The following ZNF483 variants were observed in gnomAD, a reference collection of about 807,000 sequenced individuals.
The protein encoded by ZNF483 is zinc finger protein HIT-10.
ZNF483 carries 9 observed loss-of-function variants against 28.6 expected under a neutral mutation model. The observed-to-expected ratio is 0.32, with a 90% CI of 0.19 to 0.55. The LOEUF is 0.55. Among genes scored for constraint, ZNF483 ranks in the 20% least tolerant of loss-of-function variants. The pLI is 0.93. For synonymous variants in ZNF483, 322 were observed against 306.2 expected (o/e 1.05, Z -0.54); for missense variants, 675 against 871.7 (o/e 0.77, Z 2.84).
chr9:111,549,932 C>A lies in ZNF483; in HGVS notation c.*6762C>A. 1.7e-6 allele frequency: 1 copy of A among 600,692 alleles called. No individual in the cohort carries two copies. The highest frequency in any genetic ancestry group is 2.9e-6 in the Non-Finnish European group (1 of 345,128). 37.2% of individuals were successfully genotyped at this position (600,692 alleles called of 1,614,324 possible). On this transcript the variant is annotated 3_prime_UTR_variant, in exon 6 of 6. Coordinates refer to ENST00000309235, the MANE Select transcript of ZNF483 (RefSeq NM_133464.5). ...GGTTTATTTTGTGCCTTTGAATGGT[C>A]AATACTTGTTTCTTTGTATGCATCG...
At position 111,571,125 on chromosome 9, in the gene ZNF483, T is replaced by C. The variant is rs534318844; in HGVS notation, c.722-5240T>C. Among the ~76,000 whole-genome samples the C allele has an allele frequency of 2.7e-4, 41 of 149,924 alleles. 2 individuals carry two copies. Among genetic ancestry groups the C allele is most frequent in the African/African-American group, 7.2e-4 (30 of 41,430 alleles). ...TAACCTCTAGACCTACAAGAATAAG[T>C]GTGTGGGGTCGGGTGCGTGGCTCAT... On this transcript the variant is annotated intron_variant, in intron 5 of 5. Coordinates refer to the ZNF483 transcript ENST00000358151.
intron 5 of ZNF483, chr9:111,563,324 A>G (rs1763144548): frequency 8.0e-7 from 1 of 1,253,540 alleles, no homozygotes; most frequent in South Asian, 1.6e-5. Flanking sequence ...CAGGTACATC[A>G]TTGGAAACCT....
At chr9:111,529,603 T>C (rs1205774001) in intron 2 of ZNF483, among the ~76,000 whole-genome samples, 1 of 152,264 alleles carries the variant, frequency 6.6e-6, no homozygotes, top group Non-Finnish European at 1.5e-5. Context: ...CAGTTTTACC[T>C]TACTACATCT....
intron 5 of ZNF483, chr9:111,576,263 C>A: frequency 8.4e-7 from 1 of 1,192,666 alleles, no homozygotes; most frequent in Non-Finnish European, 1.2e-6. Flanking sequence ...AGTTGGTCCT[C>A]ATTATTAGTG....
chr9:111,568,209 G>A (rs1032825612), intron 5 of ZNF483, among the ~76,000 whole-genome samples: 2 of 152,132 alleles, frequency 1.3e-5, no homozygotes, highest in Non-Finnish European at 2.9e-5. Context: ...TGTGCAAGTA[G>A]GGAAGATATT....
chr9:111,539,494 T>C (rs1349046844), intron 5 of ZNF483: 1 of 454,666 alleles, frequency 2.2e-6, no homozygotes, highest in Admixed American at 2.4e-5. Flanking sequence ...CTGGGTGTGG[T>C]GGCTCATGCC....
intron 5 of ZNF483, among the ~76,000 whole-genome samples, chr9:111,538,417 G>T (rs545303635): frequency 5.7e-4 from 87 of 151,862 alleles, no homozygotes; most frequent in Non-Finnish European, 8.8e-4. Flanking sequence ...TTGAGCCCAG[G>T]GGTTAGAGGT....
In ZNF483 at chr9:111,564,279, T is replaced by C. The variant is rs1828450958; in HGVS notation, c.722-12086T>C. The C allele has an allele frequency of 2.0e-5, 4 of 200,456 alleles. No homozygotes were observed. In the South Asian group the frequency reaches 6.4e-4, roughly 32 times the overall value. The allele number at this position is 200,456 out of a possible 1,614,324, so 12.4% of individuals were successfully genotyped here. Reference sequence around the variant, plus strand: ...GTAGGGAAGCTGAAATTTAAACTTTTATTATTATTATTATTATTATTATTA... The same window carrying C: ...GTAGGGAAGCTGAAATTTAAACTTTCATTATTATTATTATTATTATTATTA... On this transcript the variant is annotated intron_variant, in intron 5 of 5. Transcript: ENST00000358151.
At chr9:111,564,482 T>C (rs988083281) in intron 5 of ZNF483, among the ~76,000 whole-genome samples, 1 of 151,614 alleles carries the variant, frequency 6.6e-6, no homozygotes, top group Non-Finnish European at 1.5e-5. Flanking sequence ...ATTTTTTTAG[T>C]TTTTGTAGAG....
At chr9:111,576,517 TG>T in exon 6 of ZNF483, 1 of 1,508,388 alleles carries the variant, frequency 6.6e-7, no homozygotes, top group Non-Finnish European at 9.1e-7. Flanking sequence ...AAGAGCTGGA[TG>T]GAGTATGAAT....
chr9:111,576,606 A>AT (rs1193710127), exon 6 of ZNF483: 1 of 585,148 alleles, frequency 1.7e-6, no homozygotes, highest in African/African-American at 1.9e-5. Context: ...TTTGTCTTTC[A>AT]TAAAATAAAA....
chr9:111,542,399 T>C lies in ZNF483; in HGVS notation c.1464T>C (p.Thr488=), dbSNP rs1398388310. Residue 488 remains threonine (T), a synonymous_variant, in exon 6 of 6, where the codon ACT becomes ACC. Transcript: ENST00000309235. The surrounding 1 kb of genome is among the most constrained non-coding windows in gnomAD (Gnocchi z 6.2). Reference sequence around the variant, plus strand: ...CATCGCTCACACCACATCATAGAACTCATAGTGGAGAGAAACCCTTCAAAT... The same window carrying C: ...CATCGCTCACACCACATCATAGAACCCATAGTGGAGAGAAACCCTTCAAAT... ...DSSSLTPHHR[T]HSGEKPFKCD... 1.2e-6 allele frequency: 2 copies of C among 1,613,970 alleles called. No homozygotes were observed. The highest frequency in any genetic ancestry group is 1.7e-6 in the Non-Finnish European group (2 of 1,180,014).
In ZNF483 at chr9:111,546,900, A is replaced by T. The variant is rs181776015; in HGVS notation, c.*3730A>T. On this transcript the variant is annotated 3_prime_UTR_variant, in exon 6 of 6. Coordinates refer to ENST00000309235, the MANE Select transcript of ZNF483 (RefSeq NM_133464.5). ...TCTACTTCCTGTCTGTACAAATTTG[A>T]CTGTTCTAATTACTTGGTATGAATG... 6.6e-6 allele frequency among the ~76,000 whole-genome samples: 1 copy of T among 152,182 alleles called. No individual in the cohort carries two copies. The highest frequency in any genetic ancestry group is 6.5e-5 in the Admixed American group (1 of 15,294).
At chr9:111,570,134 G>A (rs947595870) in intron 5 of ZNF483, 3 of 1,614,092 alleles carry the variant, frequency 1.9e-6, no homozygotes, top group Admixed American at 1.7e-5. Context: ...TTTTTGGCGG[G>A]CATCTCCTTG....
At position 111,554,321 on chromosome 9, in the gene ZNF483, C is replaced by A. The variant is rs1335453070; in HGVS notation, c.*11151C>A. 6.6e-6 allele frequency among the ~76,000 whole-genome samples: 1 copy of A among 152,226 alleles called. No individual in the cohort carries two copies. Among genetic ancestry groups the A allele is most frequent in the African/African-American group, 2.4e-5 (1 of 41,462 alleles). On this transcript the variant is annotated 3_prime_UTR_variant, in exon 6 of 6. Transcript: ENST00000309235. ...CTCTGTCTTAGAAGTCACTTCTACT[C>A]TTCCGTTGCCCAGAGATCAATCATA...
intron 5 of ZNF483, among the ~76,000 whole-genome samples, chr9:111,540,242 T>A (rs1827640377): frequency 6.6e-6 from 1 of 152,146 alleles, no homozygotes; most frequent in Non-Finnish European, 1.5e-5. Flanking sequence ...ATTATGCAGT[T>A]TTTCTGTTTT....
At chr9:111,532,871 T>C (rs1827384242) in intron 3 of ZNF483, among the ~76,000 whole-genome samples, 1 of 149,802 alleles carries the variant, frequency 6.7e-6, no homozygotes, top group Non-Finnish European at 1.5e-5. Context: ...ATCATGCCAC[T>C]GCACTCCAGC....
intron 2 of ZNF483, among the ~76,000 whole-genome samples, chr9:111,529,041 G>A (rs1827252395): frequency 6.6e-6 from 1 of 152,108 alleles, no homozygotes; most frequent in Non-Finnish European, 1.5e-5. Flanking sequence ...CTACTCTGGA[G>A]GCTGAGGCAG....
chr9:111,567,232 T>C lies in ZNF483; in HGVS notation c.722-9133T>C, dbSNP rs540267180. Among the ~76,000 whole-genome samples the C allele has an allele frequency of 2.0e-5, 3 of 152,308 alleles. No homozygotes were observed. In the East Asian group the frequency reaches 5.8e-4, roughly 29 times the overall value. On this transcript the variant is annotated intron_variant, in intron 5 of 5. Coordinates refer to the ZNF483 transcript ENST00000358151. ...GAGATGGAGTTGTACTCTGTCACTG[T>C]GCTGGAGTGCAGTGGCACGATCTTG...
Sources: gnomAD v4.1 joint callset for allele counts (sites outside exome capture counted in the v4.1 genomes callset) on GRCh38, gnomAD v4.1.1 for gene constraint, Gnocchi (gnomAD v3.1) non-coding constraint, MANE v1.5 for transcripts, NCBI Gene and HGNC (gene_info 2026-07-23, HGNC 2026-07-21) for gene names.